Variants in BLTP3A observed in about 807,000 individuals in gnomAD.
BLTP3A encodes the protein bridge-like lipid transfer protein family member 3A, also known as ICBP90 binding protein 1.
At chr6:34,856,771 CCA>C in the BLTP3A span, 3 of 1,604,126 alleles carry the variant, frequency 1.9e-6, no homozygotes, top group Non-Finnish European at 1.7e-6. Flanking sequence ...ATTCTTTTTC[CCA>C]CCTTATTTTT....
the BLTP3A span, among the ~76,000 whole-genome samples, chr6:34,809,489 G>A: frequency 1.3e-5 from 2 of 152,140 alleles, no homozygotes; most frequent in Admixed American, 1.3e-4. Flanking sequence ...GAATTTAGGG[G>A]TACCAGTCCC....
chr6:34,802,263 C>T, the BLTP3A span, among the ~76,000 whole-genome samples: 1,130 of 151,818 alleles, frequency 7.4e-3, 21 homozygotes, highest in African/African-American at 0.026. Context: ...TGGAGTGCAA[C>T]GGTGCGATCG....
At chr6:34,858,516 C>A in the BLTP3A span, 1 of 1,614,076 alleles carries the variant, frequency 6.2e-7, no homozygotes, top group South Asian at 1.1e-5. Context: ...ATTTTGTAGC[C>A]CCCTTCCCCC....
the BLTP3A span, among the ~76,000 whole-genome samples, chr6:34,868,393 A>G: frequency 6.6e-6 from 1 of 151,910 alleles, no homozygotes; most frequent in South Asian, 2.1e-4. Flanking sequence ...CTGAGGTGGG[A>G]AACCAGCCTG....
the BLTP3A span, chr6:34,823,349 G>A: frequency 6.2e-7 from 1 of 1,613,090 alleles, no homozygotes; most frequent in Non-Finnish European, 8.5e-7. Context: ...CAGGACAGAG[G>A]TTAGTTTCTT....
the BLTP3A span, chr6:34,870,912 C>T: frequency 4.3e-6 from 7 of 1,614,100 alleles, no homozygotes; most frequent in African/African-American, 9.3e-5. Flanking sequence ...CAGCTGTGGG[C>T]CTTCGCTTTG....
At chr6:34,870,319 C>G in the BLTP3A span, among the ~76,000 whole-genome samples, 1 of 151,984 alleles carries the variant, frequency 6.6e-6, no homozygotes, top group Non-Finnish European at 1.5e-5. Context: ...TAGATAATAC[C>G]AAATTGTTAT....
chr6:34,846,218 C>G, the BLTP3A span, among the ~76,000 whole-genome samples: 10 of 150,876 alleles, frequency 6.6e-5, no homozygotes, highest in Non-Finnish European at 1.5e-5. Flanking sequence ...AATCTCAGCT[C>G]ACTGCATCCT....
the BLTP3A span, among the ~76,000 whole-genome samples, chr6:34,861,332 C>T: frequency 6.6e-6 from 1 of 152,068 alleles, no homozygotes; most frequent in African/African-American, 2.4e-5. Context: ...TGCCATGTTG[C>T]CCAGGCTAGT....
At chr6:34,858,413 G>A in the BLTP3A span, 2 of 1,614,088 alleles carry the variant, frequency 1.2e-6, no homozygotes, top group Middle Eastern at 1.6e-4. Context: ...CCTCCCCAGA[G>A]ACCTAAGGCT....
chr6:34,834,398 C>A, the BLTP3A span: 2 of 1,612,922 alleles, frequency 1.2e-6, no homozygotes, highest in Non-Finnish European at 1.7e-6. Context: ...TGACCCCTGC[C>A]GAGGAGAGGT....
the BLTP3A span, chr6:34,821,657 A>G: frequency 1.2e-6 from 2 of 1,608,804 alleles, no homozygotes; most frequent in Non-Finnish European, 1.7e-6. Flanking sequence ...TTTCAGGTTC[A>G]CTAAGAATCT....
the BLTP3A span, among the ~76,000 whole-genome samples, chr6:34,823,680 C>A: frequency 1.3e-5 from 2 of 151,412 alleles, no homozygotes; most frequent in Non-Finnish European, 2.9e-5. Context: ...GTAGCTGGGA[C>A]CACAGGCGCA....
the BLTP3A span, among the ~76,000 whole-genome samples, chr6:34,844,184 A>G: frequency 6.6e-6 from 1 of 152,008 alleles, no homozygotes; most frequent in Non-Finnish European, 1.5e-5. Context: ...GGGTTTCACC[A>G]TGTTAGTCAG....
At chr6:34,795,593 G>A in the BLTP3A span, among the ~76,000 whole-genome samples, 1 of 146,376 alleles carries the variant, frequency 6.8e-6, no homozygotes, top group Non-Finnish European at 1.5e-5. Flanking sequence ...AGTAGAGACA[G>A]GGTTTCACCA....
chr6:34,846,536 G>A, the BLTP3A span, among the ~76,000 whole-genome samples: 3 of 152,020 alleles, frequency 2.0e-5, no homozygotes. Context: ...TTGTAAATGG[G>A]GTTACTCTCT....
At chr6:34,824,735 A>C in the BLTP3A span, among the ~76,000 whole-genome samples, 1 of 151,634 alleles carries the variant, frequency 6.6e-6, no homozygotes, top group East Asian at 1.9e-4. Context: ...CAGTGGCACG[A>C]TCTTGGCTCA....
chr6:34,859,010 A>C, the BLTP3A span: 1 of 1,614,184 alleles, frequency 6.2e-7, no homozygotes, highest in Non-Finnish European at 8.5e-7. Context: ...CTGCTTATGC[A>C]TCCTGCACCC....
chr6:34,855,496 C>T, the BLTP3A span: 2 of 1,139,234 alleles, frequency 1.8e-6, no homozygotes, highest in South Asian at 2.9e-5. Context: ...GGCCTTTTGG[C>T]TGCACCGTGT....
Sources: allele counts gnomAD v4.1 joint callset (sites outside exome capture counted in the v4.1 genomes callset), GRCh38; gene constraint gnomAD v4.1.1; transcripts MANE v1.5; gene names NCBI Gene and HGNC (gene_info 2026-07-23, HGNC 2026-07-21).